SAG: variants seen among roughly 807,000 people sequenced by gnomAD.
The protein encoded by SAG is S-antigen visual arrestin.
A neutral mutation model predicts 55.0 loss-of-function variants in SAG; 45 were observed. That is an observed-to-expected ratio of 0.82 (90% CI 0.64 to 1.05). SAG has a LOEUF of 1.05. SAG is among the 50% of genes least tolerant of loss of function. The pLI is 0.00. For missense variants in SAG, 455 were observed against 512.1 expected (o/e 0.89, Z 1.08); for synonymous variants, 189 against 197.4 (o/e 0.96, Z 0.36).
chr2:233,327,098 T>A, intron 6 of SAG, 23 bp from the exon 7 acceptor site: 1 of 1,605,974 alleles, frequency 6.2e-7, no homozygotes, highest in Non-Finnish European at 8.5e-7. Context: ...GATCGCTGCC[T>A]GTCTGCTCTC....
intron 11 of SAG, among the ~76,000 whole-genome samples, chr2:233,336,101 G>A (rs1399213177): frequency 6.6e-6 from 1 of 152,232 alleles, no homozygotes; most frequent in Non-Finnish European, 1.5e-5. Context: ...CCGGGAGAGA[G>A]AATATCAGGG....
intron 10 of SAG, 29 bp from the exon 11 acceptor site, chr2:233,334,933 A>G (rs1559449580): frequency 2.5e-6 from 4 of 1,613,032 alleles, no homozygotes; most frequent in East Asian, 4.5e-5. Flanking sequence ...TTTGATGGTT[A>G]TAAATCTCCT....
intron 10 of SAG, 73 bp downstream of exon 10, chr2:233,331,785 T>A: frequency 9.3e-7 from 1 of 1,075,598 alleles, no homozygotes; most frequent in Non-Finnish European, 1.4e-6. Context: ...CGTTTATTGC[T>A]GAAGAAGGAA....
intron 11 of SAG, among the ~76,000 whole-genome samples, chr2:233,335,384 CT>C (rs922980849): frequency 6.6e-6 from 1 of 152,182 alleles, no homozygotes; most frequent in Non-Finnish European, 1.5e-5. Context: ...CTCAGTTTTC[CT>C]GTTTGTAAAG....
intron 6 of SAG, among the ~76,000 whole-genome samples, chr2:233,325,150 G>A: frequency 6.6e-6 from 1 of 150,740 alleles, no homozygotes; most frequent in African/African-American, 2.4e-5. Context: ...ATTGCAGTGA[G>A]CCGAGATTGT....
intron 5 of SAG, among the ~76,000 whole-genome samples, chr2:233,322,707 C>G (rs983863722): frequency 2.0e-5 from 3 of 152,116 alleles, no homozygotes; most frequent in Non-Finnish European, 4.4e-5. Flanking sequence ...TGCACTCCAG[C>G]CTGGGCGACA....
intron 5 of SAG, 36 bp downstream of exon 5, chr2:233,320,859 C>T (rs760144633): frequency 6.6e-6 from 10 of 1,516,636 alleles, no homozygotes; most frequent in African/African-American, 1.4e-5. Flanking sequence ...GCTTCCTTCA[C>T]CCGCAGCACC....
At chr2:233,334,895 A>G in intron 10 of SAG, 67 bp from the exon 11 acceptor site, 4 of 1,581,710 alleles carry the variant, frequency 2.5e-6, no homozygotes, top group Non-Finnish European at 3.5e-6. Flanking sequence ...CCTAATGTCA[A>G]ATAGGGGCTC....
At chr2:233,337,864 G>A (rs886613786) in intron 11 of SAG, among the ~76,000 whole-genome samples, 2 of 152,122 alleles carry the variant, frequency 1.3e-5, no homozygotes, top group Admixed American at 6.5e-5. Context: ...TGTCCTCCGC[G>A]TTGGATCCCA....
At chr2:233,329,460 C>T (rs1258518669) in intron 8 of SAG, 33 bp from the exon 9 acceptor site, 14 of 1,346,286 alleles carry the variant, frequency 1.0e-5, no homozygotes, top group Non-Finnish European at 1.5e-5. Context: ...CACATCTGTT[C>T]TCTTCTTCTG....
At chr2:233,315,516 C>T (rs1700193070) in intron 2 of SAG, among the ~76,000 whole-genome samples, 1 of 151,450 alleles carries the variant, frequency 6.6e-6, no homozygotes, top group Non-Finnish European at 1.5e-5. Flanking sequence ...TGGTCTCAAA[C>T]TCCCGACCTC....
intron 11 of SAG, among the ~76,000 whole-genome samples, chr2:233,336,542 C>CA (rs1264344712): frequency 6.7e-6 from 1 of 148,996 alleles, no homozygotes; most frequent in Non-Finnish European, 1.5e-5. Flanking sequence ...ACCAACAAAA[C>CA]AAAAAAATCA....
intron 11 of SAG, among the ~76,000 whole-genome samples, chr2:233,336,350 A>C (rs995366409): frequency 6.6e-6 from 1 of 152,146 alleles, no homozygotes; most frequent in Non-Finnish European, 1.5e-5. Context: ...CCCTGTCTCT[A>C]CTGAAAATAC....
At chr2:233,325,547 G>C (rs1038454428) in intron 6 of SAG, among the ~76,000 whole-genome samples, 1 of 152,010 alleles carries the variant, frequency 6.6e-6, no homozygotes, top group Admixed American at 6.6e-5. Flanking sequence ...TGGGGTGTGC[G>C]CAGCCAAGAT....
chr2:233,331,662 T>TCTCTA lies in SAG; in HGVS notation c.760_764dup (p.Ser256ThrfsTer25). 6.2e-7 allele frequency: 1 copy of TCTCTA among 1,613,708 alleles called. No individual in the cohort carries two copies. The highest frequency in any genetic ancestry group is 1.1e-5 in the South Asian group (1 of 91,052). Reference sequence around the variant, plus strand: ...CAGTGGAACAGGTGGCCAATGTGGTTCTCTACTCGAGTGATTATTACGTCA... The same window carrying TCTCTA: ...CAGTGGAACAGGTGGCCAATGTGGTTCTCTACTCTACTCGAGTGATTATTACGTCA... On this transcript the variant is annotated frameshift_variant, in exon 10 of 16. Transcript: ENST00000409110. LOFTEE classifies it high-confidence loss of function.
chr2:233,344,669 G>C (rs1559456685), intron 14 of SAG: 2 of 152,156 alleles, frequency 1.3e-5, no homozygotes, highest in Non-Finnish European at 2.9e-5. Context: ...ATATGAGATA[G>C]ATGAGATTTC....
Position 233,338,676 on chromosome 2 carries a change from C to A in SAG, c.945C>A (p.Ile315=), listed in dbSNP as rs1444935223. Residue 315 remains isoleucine (I), a splice_region_variant and synonymous_variant, in exon 12 of 16, where the codon ATC becomes ATA. Coordinates refer to ENST00000409110, the MANE Select transcript of SAG (RefSeq NM_000541.5). The stretch of plus-strand genomic sequence containing the variant: ...CTCCTTTTCCCTTCTGTTTGGGCAG[C>A]ATTAAGGAGGGCATAGACCGGACCG... ...HEDTNLASST[I]IKEGIDRTVL... is the part of the protein sequence containing the mutation. 2 of 1,613,168 alleles carry A rather than the reference C, an allele frequency of 1.2e-6. No individual in the cohort carries two copies. The highest frequency in any genetic ancestry group is 2.7e-5 in the African/African-American group (2 of 74,896).
intron 10 of SAG, chr2:233,332,358 G>C (rs528189304): frequency 2.6e-5 from 4 of 153,162 alleles, no homozygotes; most frequent in Admixed American, 1.3e-4. Flanking sequence ...AGGATAGCTC[G>C]ACCAGGTCTT....
At chr2:233,313,052 T>C (rs1362442521) in intron 2 of SAG, among the ~76,000 whole-genome samples, 2 of 152,162 alleles carry the variant, frequency 1.3e-5, no homozygotes, top group East Asian at 3.8e-4. Context: ...ATTTGCCTAA[T>C]TGACAGGCGA....
Sources: allele counts gnomAD v4.1 joint callset (sites outside exome capture counted in the v4.1 genomes callset), GRCh38; gene constraint gnomAD v4.1.1; transcripts MANE v1.5; gene names NCBI Gene and HGNC (gene_info 2026-07-23, HGNC 2026-07-21).